EPHA7: variants seen among roughly 807,000 people sequenced by gnomAD.
The protein encoded by EPHA7 is EPH receptor A7.
In EPHA7, 25 loss-of-function variants were observed where a neutral mutation model predicts 112.6. That is an observed-to-expected ratio of 0.22 (90% CI 0.16 to 0.31). The LOEUF is 0.31. EPHA7 is among the 10% of genes least tolerant of loss of function. The pLI, the probability that EPHA7 is intolerant of heterozygous loss-of-function variation, is 1.00. For missense variants in EPHA7, 962 were observed against 1,212.6 expected, an observed-to-expected ratio of 0.79 and a Z score of 3.07; for synonymous variants, 437 against 406.5, an observed-to-expected ratio of 1.07 and a Z score of -0.90.
chr6:93,354,100 A>G (rs1775825259), intron 5 of EPHA7, among the ~76,000 whole-genome samples: 1 of 152,142 alleles, frequency 6.6e-6, no homozygotes, highest in South Asian at 2.1e-4. Flanking sequence ...ACTTAAATTC[A>G]TTGTTGAAGT....
chr6:93,341,128 T>G (rs2127920431), intron 5 of EPHA7, among the ~76,000 whole-genome samples: 2 of 152,074 alleles, frequency 1.3e-5, no homozygotes, highest in East Asian at 1.9e-4. Context: ...CTTCTGCAAA[T>G]CAGACAATCT....
chr6:93,407,593 T>A (rs1052318112), intron 3 of EPHA7, among the ~76,000 whole-genome samples: 1 of 152,072 alleles, frequency 6.6e-6, no homozygotes, highest in African/African-American at 2.4e-5. Context: ...GCACACATAT[T>A]CTTTCGATTA....
In EPHA7 at chr6:93,385,373, A is replaced by G. The variant is rs902635841; in HGVS notation, c.832+25128T>C. 3.9e-5 allele frequency among the ~76,000 whole-genome samples: 6 copies of G among 152,268 alleles called. No homozygotes were observed. In the East Asian group the frequency reaches 1.2e-3, roughly 29 times the overall value. ...CCTCTATGTCATCTAGCAGTCAGAA[A>G]GGAATAATAAAAATCAAACGCTTTC... On this transcript the variant is annotated intron_variant, in intron 3 of 16. Transcript: ENST00000369303.
intron 3 of EPHA7, among the ~76,000 whole-genome samples, chr6:93,405,805 GTGTGTGTGTATATATA>G (rs1305354279): frequency 5.1e-4 from 33 of 64,460 alleles, no homozygotes; most frequent in African/African-American, 2.2e-3. Flanking sequence ...GTGTGTGTGT[GTGTGTGTGTATATATA>G]TATATATATA....
At chr6:93,287,012 A>G (rs1382117002) in intron 5 of EPHA7, among the ~76,000 whole-genome samples, 11 of 152,334 alleles carry the variant, frequency 7.2e-5, no homozygotes, top group African/African-American at 2.4e-4. Flanking sequence ...ATTTATTTGA[A>G]AAAGTCTCAA....
chr6:93,316,250 G>A (rs1442143936), intron 5 of EPHA7, among the ~76,000 whole-genome samples: 2 of 152,090 alleles, frequency 1.3e-5, no homozygotes, highest in African/African-American at 4.8e-5. Flanking sequence ...TGCATATGTA[G>A]GAGATTATTT....
intron 15 of EPHA7, among the ~76,000 whole-genome samples, chr6:93,246,257 G>A (rs1769945279): frequency 6.6e-6 from 1 of 151,838 alleles, no homozygotes; most frequent in Non-Finnish European, 1.5e-5. Context: ...TCACTGTGTT[G>A]GCCAGGCTGG....
At chr6:93,337,766 A>T (rs1326928569) in intron 5 of EPHA7, among the ~76,000 whole-genome samples, 2 of 152,140 alleles carry the variant, frequency 1.3e-5, no homozygotes, top group Non-Finnish European at 2.9e-5. Context: ...GTATCACAGG[A>T]TGGAAAAAGC....
chr6:93,360,393 A>G (rs1040282763), intron 3 of EPHA7, among the ~76,000 whole-genome samples: 1 of 152,180 alleles, frequency 6.6e-6, no homozygotes, highest in Admixed American at 6.5e-5. Context: ...TGAGACATTA[A>G]GGCCTGGACA....
chr6:93,394,342 T>C (rs1562152549), intron 3 of EPHA7, among the ~76,000 whole-genome samples: 1 of 151,330 alleles, frequency 6.6e-6, no homozygotes, highest in Non-Finnish European at 1.5e-5. Context: ...AAACAATTGA[T>C]GAGAGAGAGA....
intron 6 of EPHA7, among the ~76,000 whole-genome samples, chr6:93,271,633 C>T (rs1405361158): frequency 1.3e-5 from 2 of 151,826 alleles, no homozygotes; most frequent in Non-Finnish European, 2.9e-5. Flanking sequence ...CTCATATACT[C>T]AGATGTATCG....
chr6:93,257,603 C>A lies in EPHA7; in HGVS notation c.2111-80G>T, dbSNP rs1327955553. Reference sequence around the variant, plus strand: ...TCCTTTCTCATCCCCCAATAAAACACATGGTGTTCTTTTGAAAGAGTGAGT... The same window carrying A: ...TCCTTTCTCATCCCCCAATAAAACAAATGGTGTTCTTTTGAAAGAGTGAGT... On this transcript the variant is annotated intron_variant, in intron 11 of 16. Transcript: ENST00000369303. The A allele has an allele frequency of 3.0e-5, 26 of 879,494 alleles. 1 individual carries two copies. In the South Asian group the frequency reaches 3.1e-4, roughly 11 times the overall value. The allele number at this position is 879,494 out of a possible 1,614,324, so 54.5% of individuals were successfully genotyped here.
intron 5 of EPHA7, among the ~76,000 whole-genome samples, chr6:93,327,744 T>TA (rs1455343409): frequency 6.6e-6 from 1 of 151,526 alleles, no homozygotes; most frequent in East Asian, 1.9e-4. Context: ...ATTCCATTGC[T>TA]ACCACCCTAG....
intron 15 of EPHA7, 70 bp from the exon 16 acceptor site, chr6:93,245,523 T>C (rs1219375711): frequency 4.0e-6 from 6 of 1,506,104 alleles, no homozygotes; most frequent in Admixed American, 4.2e-5. Context: ...TTGGCCCATA[T>C]AAAATTAAGG....
At chr6:93,334,811 C>T (rs1397109018) in intron 5 of EPHA7, among the ~76,000 whole-genome samples, 3 of 152,018 alleles carry the variant, frequency 2.0e-5, no homozygotes, top group East Asian at 1.9e-4. Context: ...TAACCATGAA[C>T]ATATTTGCAT....
At chr6:93,359,152 C>G (rs1269516061) in intron 3 of EPHA7, among the ~76,000 whole-genome samples, 1 of 152,068 alleles carries the variant, frequency 6.6e-6, no homozygotes, top group African/African-American at 2.4e-5. Context: ...AGGGTGCAAT[C>G]ACACTAACAC....
intron 5 of EPHA7, among the ~76,000 whole-genome samples, chr6:93,297,542 T>C (rs1465376129): frequency 2.0e-5 from 3 of 152,184 alleles, no homozygotes; most frequent in Non-Finnish European, 4.4e-5. Flanking sequence ...CCTTTGTTTA[T>C]AATTGGTTTA....
At chr6:93,408,010 A>C (rs1778799808) in intron 3 of EPHA7, among the ~76,000 whole-genome samples, 1 of 151,986 alleles carries the variant, frequency 6.6e-6, no homozygotes. Flanking sequence ...TAAATGTGGA[A>C]ATCACATTTT....
intron 3 of EPHA7, among the ~76,000 whole-genome samples, chr6:93,407,728 A>G: frequency 6.6e-6 from 1 of 151,944 alleles, no homozygotes; most frequent in East Asian, 1.9e-4. Context: ...CAGTGGAGTA[A>G]TTTTATTTTA....
Sources: allele counts gnomAD v4.1 joint callset (sites outside exome capture counted in the v4.1 genomes callset), GRCh38; gene constraint gnomAD v4.1.1; transcripts MANE v1.5; gene names NCBI Gene and HGNC (gene_info 2026-07-23, HGNC 2026-07-21).